ABCC4: variants seen among roughly 807,000 people sequenced by gnomAD.
ABCC4 encodes ATP binding cassette subfamily C member 4 (PEL blood group).
ABCC4 carries 102 observed loss-of-function variants against 168.5 expected under a neutral mutation model. The ratio of observed to expected loss-of-function variants is 0.61; its 90% CI spans 0.52 to 0.71. The LOEUF (loss-of-function observed/expected upper bound fraction) is 0.71. ABCC4 is among the 30% of genes least tolerant of loss of function. The pLI is 0.00. For missense variants in ABCC4, 1,402 were observed against 1,605.8 expected (o/e 0.87, Z 2.17); for synonymous variants, 617 against 590.7 (o/e 1.04, Z -0.65).
chr13:95,054,698 G>A (rs980907884), intron 26 of ABCC4, among the ~76,000 whole-genome samples: 4 of 152,172 alleles, frequency 2.6e-5, no homozygotes, highest in Admixed American at 2.0e-4. Context: ...AAGAGAAGGT[G>A]AGACTCTTCC....
chr13:95,219,248 T>C (rs9590203), intron 4 of ABCC4, among the ~76,000 whole-genome samples: 2,773 of 152,220 alleles, frequency 0.018, 82 homozygotes, highest in African/African-American at 0.063. Flanking sequence ...ACCAGTTTCT[T>C]TGCCTGAAAA....
intron 20 of ABCC4, among the ~76,000 whole-genome samples, chr13:95,096,438 A>C (rs1426719531): frequency 1.3e-5 from 2 of 152,176 alleles, no homozygotes; most frequent in Non-Finnish European, 2.9e-5. Context: ...AAGTACTCAT[A>C]ATTTTCCAAA....
chr13:95,221,203 A>G (rs1010610351), intron 4 of ABCC4, among the ~76,000 whole-genome samples: 2 of 152,216 alleles, frequency 1.3e-5, no homozygotes, highest in Admixed American at 6.5e-5. Context: ...AAGAGCCACC[A>G]TGCCTTGCAA....
rs11568645 is a variant in ABCC4 at position 95,163,550 on chromosome 13, A to G, written c.2213+60T>C. ...CAAACACCTCCCTCTAACTCTATGG[A>G]AAAGCGAGTCTTCTTACTGATTTTG... On this transcript the variant is annotated intron_variant, in intron 17 of 30. Coordinates refer to ENST00000645237, the MANE Select transcript of ABCC4 (RefSeq NM_005845.5). 7.4e-3 allele frequency: 10,766 copies of G among 1,453,420 alleles called. 349 individuals carry two copies. In the African/African-American group the frequency reaches 0.094, roughly 13 times the overall value. The allele number at this position is 1,453,420 out of a possible 1,614,324, so 90.0% of individuals were successfully genotyped here.
intron 1 of ABCC4, among the ~76,000 whole-genome samples, chr13:95,278,048 C>T (rs1229567932): frequency 6.6e-6 from 1 of 152,184 alleles, no homozygotes; most frequent in Non-Finnish European, 1.5e-5. Flanking sequence ...CCCCCTACCC[C>T]ACCGCGGTCA....
chr13:95,179,747 G>A (rs2037828538), intron 11 of ABCC4, among the ~76,000 whole-genome samples: 1 of 152,092 alleles, frequency 6.6e-6, no homozygotes, highest in South Asian at 2.1e-4. Context: ...AGATCAAGGT[G>A]TCATTTCTTT....
chr13:95,213,081 C>T (rs1048322280), intron 4 of ABCC4, among the ~76,000 whole-genome samples: 7 of 151,110 alleles, frequency 4.6e-5, no homozygotes, highest in Non-Finnish European at 7.4e-5. Flanking sequence ...GAGCCAAGAT[C>T]GTGCCATTAC....
At chr13:95,269,711 G>A (rs1384415452) in intron 1 of ABCC4, among the ~76,000 whole-genome samples, 3 of 152,090 alleles carry the variant, frequency 2.0e-5, no homozygotes. Context: ...AAAATGTAGT[G>A]AGAAGGTACA....
intron 1 of ABCC4, among the ~76,000 whole-genome samples, chr13:95,282,340 C>T (rs77904806): frequency 6.6e-6 from 1 of 152,086 alleles, no homozygotes; most frequent in Middle Eastern, 3.4e-3. Context: ...AGGAAAGTCC[C>T]ACTGAAGGTG....
chr13:95,075,395 T>A, intron 22 of ABCC4, 37 bp downstream of exon 22: 1 of 1,613,370 alleles, frequency 6.2e-7, no homozygotes, highest in Middle Eastern at 1.7e-4. Context: ...AAGCAGCAGA[T>A]CCTGTCCTTT....
chr13:95,193,067 T>C (rs992986385), intron 9 of ABCC4, among the ~76,000 whole-genome samples: 5 of 152,228 alleles, frequency 3.3e-5, no homozygotes, highest in Admixed American at 1.3e-4. Flanking sequence ...TTGGTAGAGA[T>C]GGCAGAAATT....
intron 14 of ABCC4, 22 bp from the exon 15 acceptor site, chr13:95,166,389 T>G (rs752594232): frequency 2.5e-6 from 4 of 1,584,794 alleles, no homozygotes; most frequent in Non-Finnish European, 2.6e-6. Context: ...ATAAAGAATT[T>G]CAGAGAGATA....
intron 28 of ABCC4, 136 bp downstream of exon 28, chr13:95,044,130 G>A (rs1234270694): frequency 1.1e-6 from 1 of 949,314 alleles, no homozygotes. Flanking sequence ...TTTTTTTTCA[G>A]AATGAATTTA....
intron 1 of ABCC4, among the ~76,000 whole-genome samples, 198 bp from the exon 2 acceptor site, chr13:95,247,951 C>T (rs541844181): frequency 2.0e-3 from 293 of 147,066 alleles, no homozygotes; most frequent in African/African-American, 6.9e-3. Context: ...GTCCCTAGCT[C>T]TATCCACAGA....
chr13:95,215,163 G>A (rs1289606995), intron 4 of ABCC4, among the ~76,000 whole-genome samples: 1 of 152,216 alleles, frequency 6.6e-6, no homozygotes, highest in African/African-American at 2.4e-5. Context: ...GCTCATGCCT[G>A]TTATCCCAAC....
intron 14 of ABCC4, 70 bp downstream of exon 14, chr13:95,170,462 G>T: frequency 1.2e-6 from 1 of 854,700 alleles, no homozygotes; most frequent in Non-Finnish European, 1.8e-6. Context: ...AACATGAAAT[G>T]GAGGAAGAAG....
At chr13:95,214,539 A>G (rs1011871932) in intron 4 of ABCC4, among the ~76,000 whole-genome samples, 4 of 152,160 alleles carry the variant, frequency 2.6e-5, no homozygotes, top group African/African-American at 9.7e-5. Context: ...GACACACCAG[A>G]AACAATGAAA....
intron 19 of ABCC4, among the ~76,000 whole-genome samples, chr13:95,136,479 G>C (rs1432071280): frequency 2.0e-5 from 3 of 152,180 alleles, no homozygotes; most frequent in Non-Finnish European, 4.4e-5. Context: ...AAAAAAGAAA[G>C]AGAAGCATCT....
intron 25 of ABCC4, among the ~76,000 whole-genome samples, chr13:95,068,850 A>G (rs1287936232): frequency 6.6e-6 from 1 of 152,284 alleles, no homozygotes; most frequent in Admixed American, 6.5e-5. Context: ...TTGATCAGGT[A>G]GGACCTAATA....
Sources: allele counts gnomAD v4.1 joint callset (sites outside exome capture counted in the v4.1 genomes callset), GRCh38; gene constraint gnomAD v4.1.1; transcripts MANE v1.5; gene names NCBI Gene and HGNC (gene_info 2026-07-23, HGNC 2026-07-21).